Variants in PPIE observed in about 807,000 individuals in gnomAD.
The protein encoded by PPIE is peptidylprolyl isomerase E.
PPIE carries 20 observed loss-of-function variants against 38.4 expected under a neutral mutation model. The observed-to-expected ratio is 0.52, with a 90% CI of 0.37 to 0.76. PPIE has a LOEUF of 0.76. PPIE is among the 30% of genes least tolerant of loss of function. The probability of loss-of-function intolerance (pLI) is 0.00; values close to 1 mark genes in which losing one functional copy is unlikely to be tolerated. For synonymous variants in PPIE, 142 were observed against 135.7 expected (o/e 1.05, Z -0.32); for missense variants, 322 against 385.8 (o/e 0.83, Z 1.39).
chr1:39,740,884 C>T (rs1235874943), intron 2 of PPIE, among the ~76,000 whole-genome samples: 3 of 152,168 alleles, frequency 2.0e-5, no homozygotes, highest in African/African-American at 4.8e-5. Flanking sequence ...TTTCTAAGGG[C>T]CTTCTAGTCT....
At chr1:39,741,753 T>C (rs1367116625) in intron 3 of PPIE, 142 bp from the exon 4 acceptor site, 4 of 890,086 alleles carry the variant, frequency 4.5e-6, no homozygotes, top group East Asian at 5.0e-5. Flanking sequence ...CAGGAAGTGC[T>C]CTTTGTTAGA....
chr1:39,762,682 CTG>C (rs1263259646), intron 9 of PPIE: 12 of 1,503,880 alleles, frequency 8.0e-6, no homozygotes, highest in South Asian at 5.2e-5. Context: ...ACCCCACACA[CTG>C]TGCACACATA....
At chr1:39,747,701 C>T (rs2124335715) in intron 7 of PPIE, 1 of 151,864 alleles carries the variant, frequency 6.6e-6, no homozygotes, top group East Asian at 1.9e-4. Context: ...CTCCTGACCT[C>T]ATGATTCGCC....
chr1:39,739,880 C>T (rs1028625977), intron 1 of PPIE, among the ~76,000 whole-genome samples: 11 of 152,100 alleles, frequency 7.2e-5, no homozygotes, highest in Admixed American at 6.5e-4. Flanking sequence ...TTGCATTTTC[C>T]TAAGATCATT....
In PPIE at chr1:39,740,191, A is replaced by G; in HGVS notation, c.58A>G (p.Lys20Glu). Residue 20 changes from lysine (K) to glutamate (E), a missense_variant, in exon 2 of 10, where the codon AAA becomes GAA. Transcript: ENST00000324379. ...TGGACTGGCAGAGGAAGTGGACGAC[A>G]AAGTTCTTCATGCTGCGTTCATTCC... ...VGGLAEEVDDKVLHAAFIPFG... is the reference protein window; with the variant it reads ...VGGLAEEVDDEVLHAAFIPFG... The G allele has an allele frequency of 3.1e-6, 5 of 1,614,208 alleles. No individual in the cohort carries two copies. The highest frequency in any genetic ancestry group is 3.4e-6 in the Non-Finnish European group (4 of 1,180,022).
At chr1:39,760,924 G>A (rs1272601176), downstream of PPIE, among the ~76,000 whole-genome samples, 2 of 152,056 alleles carry the variant, frequency 1.3e-5, no homozygotes, top group Non-Finnish European at 2.9e-5. Flanking sequence ...GTCCCCAAGG[G>A]GGAGCCTGGA....
intron 9 of PPIE, 73 bp from the exon 10 acceptor site, chr1:39,753,214 C>T: frequency 2.5e-6 from 4 of 1,594,956 alleles, no homozygotes; most frequent in Non-Finnish European, 2.6e-6. Flanking sequence ...GGCAAATGGG[C>T]AGGCAGGGGT....
chr1:39,760,762 C>T (rs761829688), downstream of PPIE, among the ~76,000 whole-genome samples: 2 of 152,096 alleles, frequency 1.3e-5, no homozygotes, highest in Non-Finnish European at 2.9e-5. Context: ...TGTAGTAACA[C>T]GCAGTGCCCA....
At chr1:39,752,059 C>T (rs1351583305) in intron 8 of PPIE, among the ~76,000 whole-genome samples, 1 of 152,152 alleles carries the variant, frequency 6.6e-6, no homozygotes, top group African/African-American at 2.4e-5. Context: ...CTGTGATGCA[C>T]TCCTGTACTC....
At chr1:39,739,867 A>C (rs1647015408) in intron 1 of PPIE, among the ~76,000 whole-genome samples, 1 of 152,136 alleles carries the variant, frequency 6.6e-6, no homozygotes, top group Non-Finnish European at 1.5e-5. Context: ...TACGGGTTCA[A>C]ATTTGCATTT....
At chr1:39,746,299 T>C in intron 7 of PPIE, 1 of 152,234 alleles carries the variant, frequency 6.6e-6, no homozygotes, top group Non-Finnish European at 1.5e-5. Flanking sequence ...TTGCCTGGAA[T>C]TGATAATTGC....
In PPIE at chr1:39,756,076, A is replaced by G; in HGVS notation, c.*2721A>G. 5 of 985,396 alleles carry G rather than the reference A, an allele frequency of 5.1e-6. No individual in the cohort carries two copies. The highest frequency in any genetic ancestry group is 6.0e-6 in the Non-Finnish European group (5 of 829,926). The allele number at this position is 985,396 out of a possible 1,614,324, so 61.0% of individuals were successfully genotyped here. On this transcript the variant is annotated 3_prime_UTR_variant, in exon 10 of 10. Coordinates refer to ENST00000324379, the MANE Select transcript of PPIE (RefSeq NM_006112.4). ...ACAAGACCCTGCTCTTCCAGGCCAG[A>G]AGGGAGGGGAGCCCCAGAGCTGGGC...
chr1:39,760,610 GCCT>G (rs1340362847), downstream of PPIE: 9 of 1,597,784 alleles, frequency 5.6e-6, no homozygotes, highest in Non-Finnish European at 7.7e-6. Context: ...GAGCCCAGTG[GCCT>G]CCTCCAAGGA....
intron 2 of PPIE, among the ~76,000 whole-genome samples, chr1:39,740,974 T>G (rs1366248223): frequency 6.6e-6 from 1 of 152,224 alleles, no homozygotes; most frequent in Non-Finnish European, 1.5e-5. Context: ...ACTGAGCATC[T>G]TTATCAGGTT....
chr1:39,761,385 A>G (rs28405581), downstream of PPIE: 38,191 of 152,128 alleles, frequency 0.25, 4,983 homozygotes, highest in Non-Finnish European at 0.29. Context: ...TGACCACAGC[A>G]GCCTTCACTC....
chr1:39,739,593 G>T (rs1647007575), intron 1 of PPIE, among the ~76,000 whole-genome samples: 1 of 152,170 alleles, frequency 6.6e-6, no homozygotes, highest in Non-Finnish European at 1.5e-5. Context: ...ATCTGGAGAA[G>T]CGAGGGCAAA....
chr1:39,753,110 T>A, intron 9 of PPIE, 58 bp downstream of exon 9: 1 of 1,607,850 alleles, frequency 6.2e-7, no homozygotes, highest in Non-Finnish European at 8.5e-7. Context: ...CAGCCCTGTG[T>A]GAGGGCTGGA....
chr1:39,754,773 G>A lies in PPIE; in HGVS notation c.*1418G>A, dbSNP rs10888962. Reference sequence around the variant, plus strand: ...CTCAGAAGGCTGAGGTGGGAGGATCGCTTGAACCTGGGAGGTTGAGGCTGC... The same window carrying A: ...CTCAGAAGGCTGAGGTGGGAGGATCACTTGAACCTGGGAGGTTGAGGCTGC... On this transcript the variant is annotated 3_prime_UTR_variant, in exon 10 of 10. Coordinates refer to ENST00000324379, the MANE Select transcript of PPIE (RefSeq NM_006112.4). 0.1 allele frequency among the ~76,000 whole-genome samples: 15,630 copies of A among 152,156 alleles called. 1,000 individuals are homozygous for A. Among genetic ancestry groups the A allele is most frequent in the Admixed American group, 0.15 (2,294 of 15,294 alleles).
chr1:39,743,174 A>T lies in PPIE; in HGVS notation c.202-42A>T, dbSNP rs748726020. 9 of 1,562,950 alleles carry T rather than the reference A, an allele frequency of 5.8e-6. No individual in the cohort carries two copies. In the Admixed American group the frequency reaches 1.5e-4, roughly 26 times the overall value. On this transcript the variant is annotated intron_variant, in intron 4 of 9. Transcript: ENST00000324379. ...ATGGAAAGCTGGCTGGCCCTCTTTTAACCTAAGAGAGTTTAAGCAGCTGGA... is the reference window on the plus strand; with the variant it reads ...ATGGAAAGCTGGCTGGCCCTCTTTTTACCTAAGAGAGTTTAAGCAGCTGGA...
Sources: allele counts gnomAD v4.1 joint callset (sites outside exome capture counted in the v4.1 genomes callset), GRCh38; gene constraint gnomAD v4.1.1; transcripts MANE v1.5; gene names NCBI Gene and HGNC (gene_info 2026-07-23, HGNC 2026-07-21).